Variants in DNER observed in about 807,000 individuals in gnomAD.
DNER encodes delta and Notch-like epidermal growth factor-related receptor.
A neutral mutation model predicts 78.2 loss-of-function variants in DNER; 33 were observed. The observed-to-expected ratio is 0.42, with a 90% CI of 0.32 to 0.56. The LOEUF (loss-of-function observed/expected upper bound fraction) is 0.56, where lower values mean the gene tolerates loss of function less well. Ranked by LOEUF, DNER falls within the 20% of genes least tolerant of loss-of-function variation. The probability of loss-of-function intolerance (pLI) is 0.11; values close to 1 mark genes in which losing one functional copy is unlikely to be tolerated. For missense variants in DNER, 918 were observed against 975.3 expected (o/e 0.94, Z 0.78); for synonymous variants, 417 against 384.8 (o/e 1.08, Z -0.98).
chr2:229,546,224 A>G (rs1250954834), intron 5 of DNER, among the ~76,000 whole-genome samples: 1 of 152,232 alleles, frequency 6.6e-6, no homozygotes, highest in Non-Finnish European at 1.5e-5. Flanking sequence ...TAATGTATAC[A>G]GTGCACTTTC....
chr2:229,555,558 CCTGATCA>C lies in DNER; in HGVS notation c.848-8473_848-8467del, dbSNP rs571089887. Among the ~76,000 whole-genome samples the C allele has an allele frequency of 3.4e-3, 512 of 152,300 alleles. 2 individuals carry two copies. The highest frequency in any genetic ancestry group is 6.0e-3 in the Non-Finnish European group (409 of 68,024). On this transcript the variant is annotated intron_variant, in intron 4 of 12. Transcript: ENST00000341772. ...AGGCGTAAAACATCATGTACCTCTT[CCTGATCA>C]TTTTGTATCTTGGGTGGCTTCTTAT...
intron 1 of DNER, among the ~76,000 whole-genome samples, chr2:229,620,315 T>C (rs1698232099): frequency 1.3e-5 from 2 of 152,212 alleles, no homozygotes. Flanking sequence ...ATATCAAAAT[T>C]ACCATTTAAT....
rs544105468 is a variant in DNER at position 229,577,502 on chromosome 2, G to A, written c.847+8356C>T. 3.3e-5 allele frequency among the ~76,000 whole-genome samples: 5 copies of A among 152,264 alleles called. No homozygotes were observed. The South Asian group carries it at 1.0e-3, about 32-fold the overall frequency. ...GATACAAAATTAGCTGGGCGTGGTG[G>A]TGGGAGCCTGTAACCCCAGCTACTC... On this transcript the variant is annotated intron_variant, in intron 4 of 12. Transcript: ENST00000341772.
At chr2:229,441,279 A>G in intron 8 of DNER, among the ~76,000 whole-genome samples, 1 of 152,154 alleles carries the variant, frequency 6.6e-6, no homozygotes, top group East Asian at 1.9e-4. Flanking sequence ...TATTGTTCAT[A>G]TAAAAATTCA....
intron 4 of DNER, among the ~76,000 whole-genome samples, chr2:229,550,355 G>A (rs1260169785): frequency 6.6e-6 from 1 of 152,070 alleles, no homozygotes; most frequent in Non-Finnish European, 1.5e-5. Flanking sequence ...CATAGTTCAG[G>A]CATCACAACT....
intron 4 of DNER, among the ~76,000 whole-genome samples, chr2:229,579,202 G>A (rs1697351672): frequency 6.6e-6 from 1 of 152,160 alleles, no homozygotes. Context: ...CTCTGGCAGA[G>A]TTAGCTGCTT....
At chr2:229,679,594 C>T (rs1699353158) in intron 1 of DNER, among the ~76,000 whole-genome samples, 2 of 152,152 alleles carry the variant, frequency 1.3e-5, no homozygotes, top group Non-Finnish European at 2.9e-5. Flanking sequence ...ATAACTGGCA[C>T]GTCCTCAACA....
chr2:229,534,218 T>C (rs1396132955), intron 5 of DNER, among the ~76,000 whole-genome samples: 1 of 151,652 alleles, frequency 6.6e-6, no homozygotes, highest in African/African-American at 2.4e-5. Context: ...GATTGTAATG[T>C]AACAGACCAA....
intron 9 of DNER, among the ~76,000 whole-genome samples, chr2:229,414,406 A>G (rs1693597573): frequency 6.6e-6 from 1 of 152,118 alleles, no homozygotes; most frequent in South Asian, 2.1e-4. Flanking sequence ...AGCTGAGATT[A>G]CAGGCACCCG....
chr2:229,599,802 A>G (rs188013345), intron 1 of DNER, among the ~76,000 whole-genome samples: 8 of 152,384 alleles, frequency 5.2e-5, no homozygotes, highest in South Asian at 2.1e-4. Context: ...TAAACAAGCA[A>G]TCTACAAAAT....
intron 1 of DNER, among the ~76,000 whole-genome samples, chr2:229,675,762 G>C (rs1052291066): frequency 1.3e-5 from 2 of 152,164 alleles, no homozygotes; most frequent in South Asian, 4.1e-4. Context: ...AGTCTTTGCT[G>C]GGGGGTGGAA....
intron 6 of DNER, among the ~76,000 whole-genome samples, chr2:229,477,777 A>G (rs1695067657): frequency 6.6e-6 from 1 of 152,220 alleles, no homozygotes; most frequent in African/African-American, 2.4e-5. Flanking sequence ...TTTAAAGATA[A>G]AGAGATTGAG....
intron 5 of DNER, among the ~76,000 whole-genome samples, chr2:229,542,674 A>G (rs150815889): frequency 1.3e-5 from 2 of 152,248 alleles, no homozygotes; most frequent in African/African-American, 4.8e-5. Flanking sequence ...GTAAAAAGAA[A>G]AAAACGTGAT....
At chr2:229,531,146 T>C (rs2098576) in intron 5 of DNER, among the ~76,000 whole-genome samples, 3,925 of 152,298 alleles carry the variant, frequency 0.026, 172 homozygotes, top group African/African-American at 0.089. Flanking sequence ...AGCAGATATG[T>C]CAGCTCTGCC....
At chr2:229,481,231 C>T (rs1274452231) in intron 6 of DNER, among the ~76,000 whole-genome samples, 1 of 152,194 alleles carries the variant, frequency 6.6e-6, no homozygotes, top group African/African-American at 2.4e-5. Context: ...CAAGACCTGA[C>T]AATCATTCAC....
chr2:229,471,918 C>T (rs1694931846), intron 7 of DNER, among the ~76,000 whole-genome samples: 1 of 152,206 alleles, frequency 6.6e-6, no homozygotes, highest in African/African-American at 2.4e-5. Flanking sequence ...CACTCTACAG[C>T]CTCGTCACGG....
At chr2:229,660,495 G>A (rs1355759283) in intron 1 of DNER, among the ~76,000 whole-genome samples, 4 of 152,046 alleles carry the variant, frequency 2.6e-5, no homozygotes, top group African/African-American at 7.2e-5. Flanking sequence ...GTGTATATGT[G>A]CCACATTCTC....
At chr2:229,463,373 A>G (rs1451122337) in intron 7 of DNER, among the ~76,000 whole-genome samples, 1 of 152,238 alleles carries the variant, frequency 6.6e-6, no homozygotes, top group African/African-American at 2.4e-5. Flanking sequence ...AAGGAGAAAT[A>G]TTAGTCATTA....
intron 1 of DNER, among the ~76,000 whole-genome samples, chr2:229,699,787 T>C (rs1699714752): frequency 1.3e-5 from 2 of 152,196 alleles, no homozygotes; most frequent in South Asian, 4.1e-4. Flanking sequence ...TATTATACAG[T>C]ATGGTAACAG....
Sources: gnomAD v4.1 joint callset for allele counts (sites outside exome capture counted in the v4.1 genomes callset) on GRCh38, gnomAD v4.1.1 for gene constraint, MANE v1.5 for transcripts, NCBI Gene and HGNC (gene_info 2026-07-23, HGNC 2026-07-21) for gene names.